PDE1C: variants seen among roughly 807,000 people sequenced by gnomAD.
The protein encoded by PDE1C is dual specificity calcium/calmodulin-dependent 3',5'-cyclic nucleotide phosphodiesterase 1C.
PDE1C carries 62 observed loss-of-function variants against 93.1 expected under a neutral mutation model. The observed-to-expected ratio is 0.67, with a 90% CI of 0.54 to 0.82. PDE1C has a LOEUF of 0.82. Among genes scored for constraint, PDE1C ranks in the 40% least tolerant of loss-of-function variants. The pLI is 0.00. For synonymous variants in PDE1C, 325 were observed against 310.1 expected, an observed-to-expected ratio of 1.05 and a Z score of -0.50; for missense variants, 742 against 884.6, an observed-to-expected ratio of 0.84 and a Z score of 2.04.
chr7:32,387,633 A>AC (rs1491144731), intron 1 of PDE1C, among the ~76,000 whole-genome samples: 12,140 of 138,208 alleles, frequency 0.088, 192 homozygotes, highest in African/African-American at 0.15. Context: ...CGGGGGGCTG[A>AC]TCCCCCCACC....
At chr7:31,745,257 T>TG in the PDE1C span, among the ~76,000 whole-genome samples, 1 of 152,180 alleles carries the variant, frequency 6.6e-6, no homozygotes, top group Non-Finnish European at 1.5e-5. Flanking sequence ...CTGCTGGAAG[T>TG]GGGAGATGAA....
chr7:31,825,905 G>C (rs1426749836), intron 12 of PDE1C, among the ~76,000 whole-genome samples: 1 of 152,088 alleles, frequency 6.6e-6, no homozygotes, highest in African/African-American at 2.4e-5. Context: ...GAGGTACAGG[G>C]GGGCACATCT....
At chr7:32,146,391 A>G (rs929957384) in intron 3 of PDE1C, among the ~76,000 whole-genome samples, 1 of 152,086 alleles carries the variant, frequency 6.6e-6, no homozygotes, top group Non-Finnish European at 1.5e-5. Flanking sequence ...GCAGAGGAGG[A>G]CCCATTCCTT....
rs1459494956 is a variant in PDE1C, at chr7:31,752,163, A to G, written c.*1221T>C. ...AACTAGTTATAGACAGAATAGGATGAAGATCAGACTGGCCTGAAAACAAAC... is the reference window on the plus strand; with the variant it reads ...AACTAGTTATAGACAGAATAGGATGGAGATCAGACTGGCCTGAAAACAAAC... On this transcript the variant is annotated 3_prime_UTR_variant, in exon 18 of 18. Coordinates refer to ENST00000396191, the MANE Select transcript of PDE1C (RefSeq NM_001191057.4). The G allele has an allele frequency of 6.6e-6, 1 of 152,220 alleles. No individual in the cohort carries two copies. Among genetic ancestry groups the G allele is most frequent in the East Asian group, 1.9e-4 (1 of 5,190 alleles). 9.4% of individuals were successfully genotyped at this position (152,220 alleles called of 1,614,324 possible). A position where few individuals can be genotyped will look rare whatever the true frequency, so the allele number is the denominator to read the frequency against.
intron 1 of PDE1C, among the ~76,000 whole-genome samples, chr7:32,236,308 G>C (rs985630602): frequency 1.3e-4 from 20 of 152,026 alleles, no homozygotes; most frequent in Non-Finnish European, 2.5e-4. Flanking sequence ...AAATAAACTA[G>C]ATTGCATCAA....
At chr7:32,172,947 G>A (rs1802750751) in intron 2 of PDE1C, among the ~76,000 whole-genome samples, 1 of 151,910 alleles carries the variant, frequency 6.6e-6, no homozygotes, top group African/African-American at 2.4e-5. Context: ...AAGACGATGT[G>A]GCGATTCCTC....
At chr7:31,618,900 A>G in the PDE1C span, among the ~76,000 whole-genome samples, 5 of 152,320 alleles carry the variant, frequency 3.3e-5, no homozygotes, top group African/African-American at 1.2e-4. Flanking sequence ...GCATGTTATA[A>G]GAAGCCAAAG....
intron 2 of PDE1C, among the ~76,000 whole-genome samples, chr7:31,954,344 G>A (rs1563091911): frequency 6.6e-6 from 1 of 152,152 alleles, no homozygotes; most frequent in South Asian, 2.1e-4. Context: ...AAGAGCCTGA[G>A]TACCCAAATC....
At chr7:32,206,093 C>T (rs73106520) in intron 2 of PDE1C, among the ~76,000 whole-genome samples, 3 of 151,852 alleles carry the variant, frequency 2.0e-5, no homozygotes, top group Non-Finnish European at 4.4e-5. Context: ...CTGCTCAACG[C>T]GGCACAGAAT....
intron 3 of PDE1C, among the ~76,000 whole-genome samples, chr7:32,153,444 G>A (rs1043791211): frequency 2.0e-5 from 3 of 152,150 alleles, no homozygotes; most frequent in African/African-American, 7.2e-5. Context: ...GGCAGCACCC[G>A]TCAAGGCAGT....
chr7:31,965,343 G>A (rs1185486315), intron 2 of PDE1C, among the ~76,000 whole-genome samples: 2 of 152,220 alleles, frequency 1.3e-5, no homozygotes, highest in East Asian at 3.8e-4. Flanking sequence ...CGATCAACTG[G>A]AAGAAAGGGT....
chr7:32,132,005 G>GTCTGT (rs1397726407), intron 3 of PDE1C, among the ~76,000 whole-genome samples: 1 of 152,118 alleles, frequency 6.6e-6, no homozygotes, highest in Non-Finnish European at 1.5e-5. Context: ...GACAATGATT[G>GTCTGT]TTAAATCATT....
intron 1 of PDE1C, among the ~76,000 whole-genome samples, chr7:32,373,831 T>C (rs1784372605): frequency 6.6e-6 from 1 of 151,874 alleles, no homozygotes; most frequent in Admixed American, 6.6e-5. Context: ...CTTCTAAAAA[T>C]ACAGAAATTA....
At chr7:31,651,550 C>G in the PDE1C span, among the ~76,000 whole-genome samples, 7 of 152,018 alleles carry the variant, frequency 4.6e-5, no homozygotes, top group Non-Finnish European at 1.0e-4. Context: ...CGTGCAAATG[C>G]AAATGTGGGA....
At chr7:32,370,786 T>TAATAAATA (rs66899931) in intron 1 of PDE1C, among the ~76,000 whole-genome samples, 121 of 149,838 alleles carry the variant, frequency 8.1e-4, no homozygotes, top group Non-Finnish European at 1.2e-3. Context: ...TAAAGTATAA[T>TAATAAATA]AATAAATAAA....
intron 3 of PDE1C, among the ~76,000 whole-genome samples, chr7:32,090,431 A>T (rs1797406737): frequency 6.6e-6 from 1 of 152,214 alleles, no homozygotes; most frequent in African/African-American, 2.4e-5. Context: ...CCAGGGACTT[A>T]GAAGGCAATG....
intron 2 of PDE1C, among the ~76,000 whole-genome samples, chr7:32,182,970 A>G (rs1256269433): frequency 7.9e-5 from 12 of 152,200 alleles, no homozygotes; most frequent in Non-Finnish European, 1.6e-4. Context: ...TACAAAATCA[A>G]TGTGCAAAAA....
At chr7:32,133,345 T>C (rs1272074852) in intron 3 of PDE1C, among the ~76,000 whole-genome samples, 1 of 152,146 alleles carries the variant, frequency 6.6e-6, no homozygotes, top group Non-Finnish European at 1.5e-5. Context: ...TGGAGGAAGT[T>C]GAAACTGGAG....
At chr7:32,378,648 T>C (rs548391731) in intron 1 of PDE1C, among the ~76,000 whole-genome samples, 8 of 152,324 alleles carry the variant, frequency 5.3e-5, no homozygotes, top group Non-Finnish European at 1.2e-4. Context: ...GTTTTTTGCA[T>C]GTCTGACACC....
Sources: allele counts gnomAD v4.1 joint callset (sites outside exome capture counted in the v4.1 genomes callset), GRCh38; gene constraint gnomAD v4.1.1; transcripts MANE v1.5; gene names NCBI Gene and HGNC (gene_info 2026-07-23, HGNC 2026-07-21).